COL8A1: variants seen among roughly 807,000 people sequenced by gnomAD.
COL8A1 encodes the protein collagen alpha-1(VIII) chain.
Under a neutral mutation model 42.7 loss-of-function variants are expected in COL8A1, and 21 were observed. That is an observed-to-expected ratio of 0.49 (90% CI 0.35 to 0.71). The LOEUF is 0.71. Among genes scored for constraint, COL8A1 ranks in the 30% least tolerant of loss-of-function variants. The pLI, the probability that COL8A1 is intolerant of heterozygous loss-of-function variation, is 0.01. For missense variants in COL8A1, 788 were observed against 962.4 expected (o/e 0.82, Z 2.40); for synonymous variants, 367 against 369.1 (o/e 0.99, Z 0.06).
At chr3:99,663,253 A>G (rs1240179070) in intron 1 of COL8A1, among the ~76,000 whole-genome samples, 1 of 151,992 alleles carries the variant, frequency 6.6e-6, no homozygotes, top group Admixed American at 6.6e-5. Context: ...GCAGCCTCGA[A>G]CTCCTAGGCT....
chr3:99,764,552 A>C (rs1383839167), intron 2 of COL8A1, among the ~76,000 whole-genome samples: 1 of 152,174 alleles, frequency 6.6e-6, no homozygotes, highest in Non-Finnish European at 1.5e-5. Flanking sequence ...AGATTCCCTG[A>C]GCTCAAATTC....
intron 1 of COL8A1, among the ~76,000 whole-genome samples, chr3:99,652,523 C>T (rs1937878893): frequency 6.6e-6 from 1 of 152,190 alleles, no homozygotes; most frequent in Admixed American, 6.5e-5. Flanking sequence ...CCCTGAAGTC[C>T]TCTTCTTTCT....
intron 2 of COL8A1, among the ~76,000 whole-genome samples, chr3:99,763,870 T>C (rs577406176): frequency 1.3e-5 from 2 of 152,176 alleles, no homozygotes; most frequent in South Asian, 4.2e-4. Context: ...AACTGTCTCT[T>C]TGGCTGACCT....
intron 1 of COL8A1, among the ~76,000 whole-genome samples, chr3:99,729,438 A>G (rs1359683426): frequency 1.3e-5 from 2 of 152,022 alleles, no homozygotes; most frequent in East Asian, 1.9e-4. Context: ...AAATATGGTC[A>G]TGAGACCATT....
intron 1 of COL8A1, among the ~76,000 whole-genome samples, chr3:99,706,647 G>A (rs1407230061): frequency 2.0e-5 from 3 of 152,178 alleles, no homozygotes; most frequent in Non-Finnish European, 4.4e-5. Context: ...TAAGTCCAGA[G>A]TTTGTCGGCT....
chr3:99,659,529 C>T (rs998743518), intron 1 of COL8A1, among the ~76,000 whole-genome samples: 6 of 152,058 alleles, frequency 3.9e-5, no homozygotes, highest in Non-Finnish European at 8.8e-5. Flanking sequence ...CCCGTTTAGC[C>T]CCACTGAGAC....
At chr3:99,682,629 A>G (rs1446032024) in intron 1 of COL8A1, among the ~76,000 whole-genome samples, 1 of 149,704 alleles carries the variant, frequency 6.7e-6, no homozygotes, top group Non-Finnish European at 1.5e-5. Context: ...AAAAAAAAAA[A>G]GAAGTGCCTT....
Position 99,797,966 on chromosome 3 carries a change from C to CT in COL8A1, c.*1831dup, listed in dbSNP as rs1205287817. Reference sequence around the variant, plus strand: ...GCCTGCTATTAGCCTGCTGCTGACTCTATCACTTGGAGCAATAATGTGGGG... The same window carrying CT: ...GCCTGCTATTAGCCTGCTGCTGACTCTTATCACTTGGAGCAATAATGTGGGG... On this transcript the variant is annotated 3_prime_UTR_variant, in exon 4 of 4. Coordinates refer to ENST00000652472, the MANE Select transcript of COL8A1 (RefSeq NM_020351.4). 1.3e-5 allele frequency: 2 copies of CT among 152,212 alleles called. No individual in the cohort carries two copies. Among genetic ancestry groups the CT allele is most frequent in the African/African-American group, 4.8e-5 (2 of 41,438 alleles). 9.4% of individuals were successfully genotyped at this position (152,212 alleles called of 1,614,324 possible).
chr3:99,780,206 T>G (rs1941769905), intron 2 of COL8A1, among the ~76,000 whole-genome samples: 1 of 152,136 alleles, frequency 6.6e-6, no homozygotes, highest in Non-Finnish European at 1.5e-5. Context: ...AACAACCTCA[T>G]AAGACAGATA....
At chr3:99,767,757 G>A (rs1941491881) in intron 2 of COL8A1, among the ~76,000 whole-genome samples, 1 of 152,152 alleles carries the variant, frequency 6.6e-6, no homozygotes, top group South Asian at 2.1e-4. Context: ...TTAACATGCA[G>A]CAAGGTATAG....
intron 1 of COL8A1, among the ~76,000 whole-genome samples, chr3:99,666,199 C>G (rs1938364560): frequency 6.6e-6 from 1 of 152,156 alleles, no homozygotes; most frequent in African/African-American, 2.4e-5. Context: ...GTGCTCTAAT[C>G]ATCAAAATAT....
intron 2 of COL8A1, among the ~76,000 whole-genome samples, chr3:99,770,093 G>T (rs1245351940): frequency 6.6e-6 from 1 of 152,170 alleles, no homozygotes; most frequent in African/African-American, 2.4e-5. Flanking sequence ...GCAGAAGTAT[G>T]ATTAGAGAAC....
intron 2 of COL8A1, among the ~76,000 whole-genome samples, chr3:99,746,262 A>G (rs1241869446): frequency 1.3e-5 from 2 of 152,224 alleles, no homozygotes; most frequent in African/African-American, 4.8e-5. Flanking sequence ...CATCAAAGCC[A>G]GATGTTCTCC....
chr3:99,717,008 T>A (rs1219905452), intron 1 of COL8A1, among the ~76,000 whole-genome samples: 1 of 151,992 alleles, frequency 6.6e-6, no homozygotes, highest in African/African-American at 2.4e-5. Context: ...GTTAGCAATG[T>A]TATACCTCTG....
intron 1 of COL8A1, among the ~76,000 whole-genome samples, chr3:99,728,148 T>C (rs534727293): frequency 5.9e-4 from 90 of 152,124 alleles, no homozygotes; most frequent in African/African-American, 2.2e-3. Flanking sequence ...CCAGGGCAAT[T>C]AGGCAGGAGA....
intron 1 of COL8A1, among the ~76,000 whole-genome samples, chr3:99,696,702 C>T (rs530341611): frequency 6.6e-6 from 1 of 152,280 alleles, no homozygotes; most frequent in Admixed American, 6.5e-5. Flanking sequence ...CGGGGTTACG[C>T]AATTAATGCA....
chr3:99,717,660 G>A (rs1026418054), intron 1 of COL8A1, among the ~76,000 whole-genome samples: 7 of 151,942 alleles, frequency 4.6e-5, no homozygotes, highest in African/African-American at 1.4e-4. Flanking sequence ...TTAGTAATGA[G>A]CTAACATCAG....
intron 2 of COL8A1, among the ~76,000 whole-genome samples, chr3:99,764,588 G>A (rs1941423830): frequency 6.6e-6 from 1 of 151,986 alleles, no homozygotes; most frequent in East Asian, 1.9e-4. Context: ...CTGACTGTAG[G>A]ATTTTTGACA....
rs1939284889 is a variant in COL8A1, at chr3:99,693,599, G to A, written c.-128-51298G>A. 2.0e-5 allele frequency among the ~76,000 whole-genome samples: 3 copies of A among 152,128 alleles called. No homozygotes were observed. In the South Asian group the frequency reaches 6.2e-4, roughly 31 times the overall value. On this transcript the variant is annotated intron_variant, in intron 1 of 3. Coordinates refer to ENST00000652472, the MANE Select transcript of COL8A1 (RefSeq NM_020351.4). ...AAATAGAAAAACGCTTATAGTATAA[G>A]GATACAAAGAAAGAAACATTTTTGT...
Sources: allele counts gnomAD v4.1 joint callset (sites outside exome capture counted in the v4.1 genomes callset), GRCh38; gene constraint gnomAD v4.1.1; transcripts MANE v1.5; gene names NCBI Gene and HGNC (gene_info 2026-07-23, HGNC 2026-07-21).